The following MAGEC3 variants were observed in gnomAD, a reference collection of about 807,000 sequenced individuals.
The protein encoded by MAGEC3 is MAGE family member C3.
A neutral mutation model predicts 35.3 loss-of-function variants in MAGEC3; 34 were observed. That is an observed-to-expected ratio of 0.96 (90% confidence interval 0.73 to 1.28). The LOEUF is 1.28. Among genes scored for constraint, MAGEC3 ranks in the 50% most tolerant of loss-of-function variants. The probability of loss-of-function intolerance (pLI) is 0.00; values close to 1 mark genes in which losing one functional copy is unlikely to be tolerated. For missense variants in MAGEC3, 561 were observed against 483.6 expected, an observed-to-expected ratio of 1.16 and a Z score of -1.50; for synonymous variants, 202 against 185.6, an observed-to-expected ratio of 1.09 and a Z score of -0.72.
At position 141,842,514 on chromosome X, in the gene MAGEC3, T is replaced by C. The variant is rs2017691891; in HGVS notation, c.123+4076T>C. ...GTGATGAAATGTCAGAAGAGGTTAG[T>C]GGTAGGTGTTGTCACGTTTGTTCAA... is the stretch of plus-strand genomic sequence containing the variant. On this transcript the variant is annotated intron_variant, in intron 1 of 7. Coordinates refer to ENST00000298296, the MANE Select transcript of MAGEC3 (RefSeq NM_138702.1). Among the ~76,000 whole-genome samples the C allele has an allele frequency of 3.6e-5, 4 of 111,671 alleles. No homozygotes were observed. The South Asian group carries it at 1.5e-3, about 41-fold the overall frequency.
intron 2 of MAGEC3, among the ~76,000 whole-genome samples, chrX:141,878,063 A>C (rs891690671): frequency 8.9e-6 from 1 of 112,325 alleles, no homozygotes; most frequent in African/African-American, 3.2e-5. Context: ...TGTTCCTTCG[A>C]TGCCCTTTGG....
intron 2 of MAGEC3, among the ~76,000 whole-genome samples, chrX:141,868,123 CA>C (rs1246455150): frequency 2.0e-4 from 19 of 93,362 alleles, no homozygotes; most frequent in Admixed American, 2.3e-4. Context: ...ACTCCGCCTT[CA>C]AAAAAAAAAG....
intron 1 of MAGEC3, among the ~76,000 whole-genome samples, chrX:141,844,946 TAAC>T (rs1169661009): frequency 9.0e-6 from 1 of 110,626 alleles, no homozygotes; most frequent in Admixed American, 9.7e-5. Context: ...TTTTAAGCGC[TAAC>T]GTTTTCAGCC....
intron 2 of MAGEC3, among the ~76,000 whole-genome samples, chrX:141,873,828 T>C (rs997541709): frequency 1.3e-4 from 15 of 112,048 alleles, no homozygotes; most frequent in African/African-American, 4.2e-4. Flanking sequence ...AATCCTAGCA[T>C]GTTGTTTTGT....
In MAGEC3 at chrX:141,854,327, A is replaced by G. The variant is rs528270540; in HGVS notation, c.124-11144A>G. Among the ~76,000 whole-genome samples the G allele has an allele frequency of 4.5e-5, 5 of 111,130 alleles. 1 individual carries two copies. In the East Asian group the frequency reaches 1.2e-3, roughly 26 times the overall value. The stretch of plus-strand genomic sequence containing the variant: ...GTGGATGGGAGTGGTCAAGAAAACT[A>G]CCTGTGAGGTAGTGATTTCAAGCTA... On this transcript the variant is annotated intron_variant, in intron 1 of 7. Transcript: ENST00000298296.
intron 2 of MAGEC3, among the ~76,000 whole-genome samples, chrX:141,866,750 A>G (rs16979904): frequency 0.19 from 21,266 of 112,038 alleles, 1,564 homozygotes; most frequent in South Asian, 0.33. Context: ...TGATAAATAA[A>G]CCAAATCTAT....
intron 4 of MAGEC3, among the ~76,000 whole-genome samples, chrX:141,891,408 GC>G (rs1337264946): frequency 4.5e-5 from 5 of 110,674 alleles, no homozygotes; most frequent in African/African-American, 1.3e-4. Context: ...CATTCCATTA[GC>G]TCACTGTTAC....
Position 141,897,261 on chromosome X carries a change from C to T in MAGEC3, c.1503C>T (p.Ala501=), listed in dbSNP as rs767694588. Residue 501 remains alanine (A), a synonymous_variant, in exon 7 of 8, where the codon GCC becomes GCT. Coordinates refer to ENST00000298296, the MANE Select transcript of MAGEC3 (RefSeq NM_138702.1). The part of the protein sequence containing the change: ...KDYFPMIFGK[A]HEFIELIFGI... The stretch of plus-strand genomic sequence containing the variant: ...ATTTTCCCATGATCTTCGGGAAAGC[C>T]CATGAGTTCATAGAGCTAATTTTTG... The T allele has an allele frequency of 2.9e-5, 35 of 1,210,197 alleles. No homozygotes were observed. The highest frequency in any genetic ancestry group is 6.5e-5 in the Admixed American group (3 of 45,844).
chrX:141,883,872 A>G (rs1488590434), intron 4 of MAGEC3, among the ~76,000 whole-genome samples: 2 of 113,322 alleles, frequency 1.8e-5, no homozygotes, highest in African/African-American at 6.4e-5. Flanking sequence ...CTGATGAGAA[A>G]AGAAAATTAT....
At chrX:141,889,106 G>A (rs138068569) in intron 4 of MAGEC3, among the ~76,000 whole-genome samples, 2,275 of 111,785 alleles carry the variant, frequency 0.02, 71 homozygotes, top group African/African-American at 0.069. Context: ...CATGGAATTC[G>A]CTGATCTTAC....
At chrX:141,881,854 GT>G in intron 4 of MAGEC3, 58 bp downstream of exon 4, 1 of 1,189,254 alleles carries the variant, frequency 8.4e-7, no homozygotes, top group Non-Finnish European at 1.1e-6. Flanking sequence ...TGTCACTAAA[GT>G]TTGAGTGCAG....
At chrX:141,865,741 T>G (rs188085711) in intron 2 of MAGEC3, 136 bp downstream of exon 2, 1 of 692,243 alleles carries the variant, frequency 1.4e-6, no homozygotes, top group African/African-American at 2.2e-5. Context: ...GACTTCATTT[T>G]TGGGGCCTGA....
At chrX:141,889,599 C>T (rs765269410) in intron 4 of MAGEC3, among the ~76,000 whole-genome samples, 8 of 112,142 alleles carry the variant, frequency 7.1e-5, no homozygotes, top group Non-Finnish European at 1.3e-4. Context: ...ATCCACTACT[C>T]TGCAAGGGAG....
At chrX:141,893,011 A>G (rs1035171915) in intron 4 of MAGEC3, among the ~76,000 whole-genome samples, 1 of 112,123 alleles carries the variant, frequency 8.9e-6, no homozygotes, top group African/African-American at 3.2e-5. Flanking sequence ...AAAACAGAAA[A>G]CCCAATTTAA....
At chrX:141,839,508 A>G in intron 1 of MAGEC3, 4 of 753,878 alleles carry the variant, frequency 5.3e-6, no homozygotes, top group Non-Finnish European at 6.3e-6. Flanking sequence ...GATCTTTGCT[A>G]TTGTCTTGGC....
intron 2 of MAGEC3, among the ~76,000 whole-genome samples, chrX:141,867,170 A>G (rs1208148332): frequency 8.9e-6 from 1 of 111,763 alleles, no homozygotes; most frequent in Non-Finnish European, 1.9e-5. Flanking sequence ...CCTTTAACCA[A>G]TGCCATACTT....
At chrX:141,851,012 T>C (rs1603054407) in intron 1 of MAGEC3, among the ~76,000 whole-genome samples, 1 of 111,306 alleles carries the variant, frequency 9.0e-6, no homozygotes, top group African/African-American at 3.2e-5. Context: ...CCAAGCTTTT[T>C]TAAGAAAAAT....
At chrX:141,885,439 G>A (rs1014169057) in intron 4 of MAGEC3, among the ~76,000 whole-genome samples, 1 of 109,330 alleles carries the variant, frequency 9.1e-6, no homozygotes, top group Non-Finnish European at 1.9e-5. Context: ...GGCTGAGGCG[G>A]GTGGATCATG....
chrX:141,854,622 A>G lies in MAGEC3; in HGVS notation c.124-10849A>G, dbSNP rs374758538. On this transcript the variant is annotated intron_variant, in intron 1 of 7. Transcript: ENST00000298296. ...CCTGCTGCCATCCATGTAGGATGGG[A>G]CTTGCTCCTCCTTGCCTTCTTCCAT... Among the ~76,000 whole-genome samples the G allele has an allele frequency of 1.3e-4, 14 of 110,941 alleles. No homozygotes were observed. The East Asian group carries it at 2.9e-3, about 23-fold the overall frequency.
Sources: gnomAD v4.1 joint callset for allele counts (sites outside exome capture counted in the v4.1 genomes callset) on GRCh38, gnomAD v4.1.1 for gene constraint, MANE v1.5 for transcripts, NCBI Gene and HGNC (gene_info 2026-07-23, HGNC 2026-07-21) for gene names.